KCNJ18: variants seen among roughly 807,000 people sequenced by gnomAD.
KCNJ18 encodes inward rectifier potassium channel 18.
KCNJ18 carries 16 observed loss-of-function variants against 17.3 expected under a neutral mutation model. The ratio of observed to expected loss-of-function variants is 0.92; its 90% CI spans 0.62 to 1.40. KCNJ18 has a LOEUF of 1.40. Ranked by LOEUF, KCNJ18 falls within the 40% of genes most tolerant of loss-of-function variation. The pLI is 0.00. For synonymous variants in KCNJ18, 185 were observed against 262.6 expected, an observed-to-expected ratio of 0.70 and a Z score of 2.86; for missense variants, 462 against 626.8, an observed-to-expected ratio of 0.74 and a Z score of 2.81.
At chr17:21,697,652 G>A (rs1276689054) in intron 2 of KCNJ18, among the ~76,000 whole-genome samples, 4 of 152,304 alleles carry the variant, frequency 2.6e-5, no homozygotes, top group Middle Eastern at 3.2e-3. Context: ...CCTTGATGTG[G>A]TCCTACACCC....
chr17:21,702,092 C>T (rs1277692496), intron 2 of KCNJ18, among the ~76,000 whole-genome samples: 1 of 152,100 alleles, frequency 6.6e-6, no homozygotes, highest in African/African-American at 2.4e-5. Flanking sequence ...GGACATGGGT[C>T]TTCCTGGGGC....
chr17:21,695,097 G>A (rs1481959579), intron 1 of KCNJ18, among the ~76,000 whole-genome samples: 403 of 149,408 alleles, frequency 2.7e-3, no homozygotes, highest in Non-Finnish European at 4.0e-3. Flanking sequence ...CTACCCATCC[G>A]CTCAGTCACC....
At chr17:21,695,664 G>T (rs1361251441) in intron 1 of KCNJ18, among the ~76,000 whole-genome samples, 1 of 152,294 alleles carries the variant, frequency 6.6e-6, no homozygotes, top group Non-Finnish European at 1.5e-5. Flanking sequence ...TTCCAACCTT[G>T]TGGAATTGTG....
chr17:21,699,971 A>T (rs1391686091), intron 2 of KCNJ18, among the ~76,000 whole-genome samples: 2 of 152,282 alleles, frequency 1.3e-5, no homozygotes, highest in Non-Finnish European at 2.9e-5. Context: ...CCTGGGCCAC[A>T]CAAATCCAGC....
chr17:21,694,689 C>T (rs2142266453), intron 1 of KCNJ18, among the ~76,000 whole-genome samples: 1 of 151,654 alleles, frequency 6.6e-6, no homozygotes, highest in Admixed American at 6.6e-5. Flanking sequence ...TCCATCCATC[C>T]ACCCTTCCAT....
chr17:21,703,274 T>C lies in KCNJ18; in HGVS notation c.488T>C (p.Val163Ala). Reference protein sequence around the residue: ...EECLVAVFMVVAQSIVGCIID... With the variant: ...EECLVAVFMVAAQSIVGCIID... The stretch of plus-strand genomic sequence containing the variant: ...TGCCTGGTGGCCGTCTTCATGGTGG[T>C]GGCCCAGTCCATCGTGGGCTGCATC... The change falls in exon 3 of 3, where the codon GTG (valine) becomes GCG (alanine). Residue 163 changes from valine to alanine, a missense_variant. Physicochemically the swap from Val to Ala is moderately conservative, Grantham distance 64 (BLOSUM62 0). Around this residue, in one of 5 missense-constraint regions of KCNJ18, gnomAD observed 237 missense variants for 259.4 expected, o/e 0.91. Coordinates refer to ENST00000567955, the MANE Select transcript of KCNJ18 (RefSeq NM_001194958.2). 6.2e-7 allele frequency: 1 copy of C among 1,609,284 alleles called. No individual in the cohort carries two copies.
At chr17:21,699,004 C>T (rs1396487252) in intron 2 of KCNJ18, among the ~76,000 whole-genome samples, 2 of 152,176 alleles carry the variant, frequency 1.3e-5, no homozygotes, top group African/African-American at 4.8e-5. Flanking sequence ...CCTGGCAGGC[C>T]AACCCCGGTG....
In KCNJ18 at chr17:21,697,557, G is replaced by C. The variant is rs1178678068; in HGVS notation, c.-57+1453G>C. ...AGCCAAGCTTCCTCACTGCCCCAGG[G>C]TGCCCAGCACGTCTTTGCCTCCCAC... On this transcript the variant is annotated intron_variant, in intron 2 of 2. Coordinates refer to ENST00000567955, the MANE Select transcript of KCNJ18 (RefSeq NM_001194958.2). Among the ~76,000 whole-genome samples the C allele has an allele frequency of 2.6e-5, 4 of 152,384 alleles. No homozygotes were observed. In the South Asian group the frequency reaches 8.3e-4, roughly 32 times the overall value.
chr17:21,702,879 C>G lies in KCNJ18; in HGVS notation c.93C>G (p.Phe31Leu), dbSNP rs1230923343. ...TCACCATGTCGGGCGCCAACGGCTT[C>G]GGCAACGGCAAGGTGCACACGCGGC... ...HLVTMSGANG[F>L]GNGKVHTRRR... The change falls in exon 3 of 3, where the codon TTC becomes TTG. Residue 31 changes from phenylalanine (F) to leucine (L), a missense_variant. Phe to Leu is a conservative substitution (Grantham distance 22). Transcript: ENST00000567955. The G allele has an allele frequency of 2.1e-5, 33 of 1,599,540 alleles. No individual in the cohort carries two copies. Among genetic ancestry groups the G allele is most frequent in the Middle Eastern group, 1.6e-4 (1 of 6,070 alleles).
At chr17:21,697,107 C>T (rs1182133036) in intron 2 of KCNJ18, among the ~76,000 whole-genome samples, 1 of 152,304 alleles carries the variant, frequency 6.6e-6, no homozygotes, top group Non-Finnish European at 1.5e-5. Flanking sequence ...GTCCTGGCAG[C>T]ATCAGCTCCT....
In KCNJ18 at chr17:21,704,484, G is replaced by C; in HGVS notation, c.*396G>C. The C allele has an allele frequency of 4.9e-6, 1 of 205,014 alleles. No homozygotes were observed. 12.7% of individuals were successfully genotyped at this position (205,014 alleles called of 1,614,324 possible). A position where few individuals can be genotyped will look rare whatever the true frequency, so the allele number is the denominator to read the frequency against. On this transcript the variant is annotated 3_prime_UTR_variant, in exon 3 of 3. Transcript: ENST00000567955. ...TTTTTAACTTGGGGAGAAACACCGG[G>C]TTTCAGCTTTCTCGACCTTAGCTTG... is the stretch of plus-strand genomic sequence containing the variant.
intron 1 of KCNJ18, among the ~76,000 whole-genome samples, chr17:21,692,956 C>T (rs1597753518): frequency 6.6e-6 from 1 of 152,312 alleles, no homozygotes; most frequent in Admixed American, 6.5e-5. Context: ...AGGGGAAGTG[C>T]CTTGCCCTGT....
rs1227598006 is a variant in KCNJ18 at position 21,692,819 on chromosome 17, A to C, written c.-179+105A>C. On this transcript the variant is annotated intron_variant, in intron 1 of 2. Coordinates refer to ENST00000567955, the MANE Select transcript of KCNJ18 (RefSeq NM_001194958.2). The stretch of plus-strand genomic sequence containing the variant: ...GGGTGACGGCTGCCACCTCCCAGAG[A>C]CCCGCTGGGGCGAGGCCCAGTGCCC... 2.0e-5 allele frequency: 3 copies of C among 152,616 alleles called. No individual in the cohort carries two copies. In the South Asian group the frequency reaches 6.2e-4, roughly 32 times the overall value. 9.5% of individuals were successfully genotyped at this position (152,616 alleles called of 1,614,324 possible).
At chr17:21,695,962 G>A (rs1346605268) in intron 1 of KCNJ18, 21 bp from the exon 2 acceptor site, 33 of 152,474 alleles carry the variant, frequency 2.2e-4, no homozygotes, top group African/African-American at 7.5e-4. Flanking sequence ...CAGTAACTTG[G>A]CTTTACTCTT....
chr17:21,698,495 G>A (rs1905837723), intron 2 of KCNJ18, among the ~76,000 whole-genome samples: 1 of 151,958 alleles, frequency 6.6e-6, no homozygotes, highest in African/African-American at 2.4e-5. Context: ...CTCCCCCTCC[G>A]AGTCCCTATG....
At position 21,703,616 on chromosome 17, in the gene KCNJ18, C is replaced by T. The variant is rs1271441402; in HGVS notation, c.830C>T (p.Ala277Val). 2.6e-5 allele frequency: 42 copies of T among 1,611,802 alleles called. No individual in the cohort carries two copies. Among genetic ancestry groups the T allele is most frequent in the Non-Finnish European group, 2.9e-5 (34 of 1,178,562 alleles). Residue 277 changes from alanine to valine, a missense_variant, in exon 3 of 3, where the codon GCC (alanine) becomes GTC (valine). Transcript: ENST00000567955. ...ACCATCTTGCATGAAATTGACGAGG[C>T]CAGCCCGCTCTTCGGCATCAGCCGG... Reference protein sequence around the residue: ...PITILHEIDEASPLFGISRQD... With the variant: ...PITILHEIDEVSPLFGISRQD...
chr17:21,702,026 A>T (rs1309659250), intron 2 of KCNJ18, among the ~76,000 whole-genome samples: 3,182 of 145,012 alleles, frequency 0.022, no homozygotes, highest in African/African-American at 0.036. Flanking sequence ...CGTTATTGTT[A>T]TTGCTGCCGC....
At chr17:21,695,234 A>G (rs1463614355) in intron 1 of KCNJ18, among the ~76,000 whole-genome samples, 2 of 130,354 alleles carry the variant, frequency 1.5e-5, no homozygotes, top group Admixed American at 7.8e-5. Context: ...TTTCCATCCT[A>G]TTATCCATTC....
At chr17:21,695,876 G>C (rs1264014315) in intron 1 of KCNJ18, 107 bp from the exon 2 acceptor site, 933 of 152,942 alleles carry the variant, frequency 6.1e-3, no homozygotes, top group Admixed American at 0.042. Flanking sequence ...TGGGGCCCTG[G>C]GGAAGTGAGC....
Sources: allele counts gnomAD v4.1 joint callset (sites outside exome capture counted in the v4.1 genomes callset), GRCh38; gene constraint gnomAD v4.1.1; regional missense constraint gnomAD v4.1.1; transcripts MANE v1.5; gene names NCBI Gene and HGNC (gene_info 2026-07-23, HGNC 2026-07-21).